COPB2: variants seen among roughly 807,000 people sequenced by gnomAD.
The protein encoded by COPB2 is coat protein complex I subunit beta 2.
A neutral mutation model predicts 120.8 loss-of-function variants in COPB2; 16 were observed. The observed-to-expected ratio is 0.13, with a 90% confidence interval of 0.09 to 0.20. The LOEUF is 0.20. Ranked by LOEUF, COPB2 falls within the 10% of genes least tolerant of loss-of-function variation. The probability of loss-of-function intolerance (pLI) is 1.00; values close to 1 mark genes in which losing one functional copy is unlikely to be tolerated. For missense variants in COPB2, 794 were observed against 1,076.5 expected (o/e 0.74, Z 3.67); for synonymous variants, 332 against 366.3 (o/e 0.91, Z 1.07).
intron 1 of COPB2, among the ~76,000 whole-genome samples, chr3:139,384,477 A>G (rs1303289713): frequency 6.6e-6 from 1 of 152,254 alleles, no homozygotes; most frequent in Non-Finnish European, 1.5e-5. Context: ...GTCAGGGACC[A>G]GCCAACCTCT....
rs778212511 is a variant in COPB2, at chr3:139,373,952, C to CT, written c.752-145dup. 33 of 841,986 alleles carry CT rather than the reference C, an allele frequency of 3.9e-5. 1 individual carries two copies. The highest frequency in any genetic ancestry group is 1.1e-4 in the South Asian group (6 of 53,766). The allele number at this position is 841,986 out of a possible 1,614,324, so 52.2% of individuals were successfully genotyped here. A position where few individuals can be genotyped will look rare whatever the true frequency, so the allele number is the denominator to read the frequency against. On this transcript the variant is annotated intron_variant, in intron 7 of 21. Transcript: ENST00000333188. ...AATGACCAATTTTTTGACCTACTGT[C>CT]TTTAAATGATTTTTAAAAGCAACAT...
chr3:139,383,258 A>T, intron 2 of COPB2, 40 bp downstream of exon 2: 1 of 1,599,196 alleles, frequency 6.3e-7, no homozygotes, highest in Non-Finnish European at 8.6e-7. Context: ...ACAGTCTCAC[A>T]TAGTATTTTA....
At chr3:139,384,093 G>A (rs371997428) in intron 1 of COPB2, among the ~76,000 whole-genome samples, 5 of 152,256 alleles carry the variant, frequency 3.3e-5, no homozygotes, top group African/African-American at 7.2e-5. Context: ...GAAATTCTTC[G>A]AAATTCGAGA....
chr3:139,360,770 A>G (rs558582246), intron 17 of COPB2, among the ~76,000 whole-genome samples: 29 of 152,172 alleles, frequency 1.9e-4, no homozygotes, highest in Non-Finnish European at 4.1e-4. Flanking sequence ...GAGCAGCTCA[A>G]TAGCCTCCTG....
At chr3:139,360,236 CT>C (rs1941387228) in intron 17 of COPB2, among the ~76,000 whole-genome samples, 1 of 149,828 alleles carries the variant, frequency 6.7e-6, no homozygotes, top group South Asian at 2.1e-4. Context: ...TTAAAGAATA[CT>C]TTCGGGCTGG....
chr3:139,387,146 G>C (rs978967911), intron 1 of COPB2, among the ~76,000 whole-genome samples: 5 of 152,082 alleles, frequency 3.3e-5, no homozygotes, highest in Middle Eastern at 6.8e-3. Flanking sequence ...GGGAGGTGGA[G>C]GTTGCAGTGA....
chr3:139,366,698 T>A lies in COPB2; in HGVS notation c.1754A>T (p.Tyr585Phe). The change falls in exon 15 of 22, where the codon TAT becomes TTT. Residue 585 changes from tyrosine (Y) to phenylalanine (F), a missense_variant. Around this residue, in one of 3 missense-constraint regions of COPB2, gnomAD observed 610 missense variants for 866.7 expected, o/e 0.70. Transcript: ENST00000333188. The stretch of plus-strand genomic sequence containing the variant: ...TTCCAGGACTGAAACCAGCAGGGAA[T>A]AGCTAATGATGTTCAATTCTTTATC... ...LGDKELNIIS[Y>F]SLLVSVLEYQ... 4 of 1,614,094 alleles carry A rather than the reference T, an allele frequency of 2.5e-6. No homozygotes were observed. The highest frequency in any genetic ancestry group is 3.4e-6 in the Non-Finnish European group (4 of 1,179,984).
Position 139,359,028 on chromosome 3 carries a change from C to A in COPB2, c.2454G>T (p.Leu818=), listed in dbSNP as rs753902690. The change falls in exon 19 of 22, where the codon CTG becomes CTT. Residue 818 remains leucine, a synonymous_variant. Coordinates refer to ENST00000333188, the MANE Select transcript of COPB2 (RefSeq NM_004766.3). ...EEWVKETHAD[L]WPAKQYPLVT... is the part of the protein sequence containing the mutation. ...CAAGTGGGTATTGTTTGGCTGGCCA[C>A]AGATCAGCATGTGTTTCCTTCACCC... 2 of 1,613,498 alleles carry A rather than the reference C, an allele frequency of 1.2e-6. No individual in the cohort carries two copies. Among genetic ancestry groups the A allele is most frequent in the Non-Finnish European group, 1.7e-6 (2 of 1,179,816 alleles).
intron 15 of COPB2, among the ~76,000 whole-genome samples, chr3:139,364,488 T>G (rs1312955737): frequency 1.3e-5 from 2 of 152,146 alleles, no homozygotes; most frequent in East Asian, 3.9e-4. Flanking sequence ...AAATATTAAA[T>G]ACTGAGACTC....
intron 6 of COPB2, 91 bp downstream of exon 6, chr3:139,375,377 A>T: frequency 7.7e-7 from 1 of 1,305,994 alleles, no homozygotes; most frequent in Non-Finnish European, 1.0e-6. Flanking sequence ...TATGCTGTGA[A>T]CAGTTTTCAA....
intron 1 of COPB2, among the ~76,000 whole-genome samples, chr3:139,386,171 A>G (rs751999869): frequency 1.3e-5 from 2 of 152,142 alleles, no homozygotes; most frequent in African/African-American, 4.8e-5. Context: ...CTTACTTTAA[A>G]AGATCAGAGT....
At chr3:139,388,810 T>G (rs1941988397) in intron 1 of COPB2, among the ~76,000 whole-genome samples, 1 of 135,572 alleles carries the variant, frequency 7.4e-6, no homozygotes, top group East Asian at 2.2e-4. Context: ...TTTTTTTTTT[T>G]GCATTTTCAA....
At chr3:139,371,478 G>A (rs1006569876) in intron 10 of COPB2, among the ~76,000 whole-genome samples, 18 of 152,128 alleles carry the variant, frequency 1.2e-4, no homozygotes, top group African/African-American at 4.1e-4. Flanking sequence ...ATGGGTGCTG[G>A]GTCCCCAGTT....
intron 14 of COPB2, 23 bp from the exon 15 acceptor site, chr3:139,366,798 G>A (rs1334647572): frequency 1.2e-6 from 2 of 1,605,476 alleles, no homozygotes. Context: ...CAGAAACCAA[G>A]TTAGAAATTC....
rs1422771197 is a variant in COPB2 at position 139,357,853 on chromosome 3, A to G, written c.*10T>C. 3.4e-6 allele frequency: 5 copies of G among 1,459,798 alleles called. No individual in the cohort carries two copies. The highest frequency in any genetic ancestry group is 4.8e-6 in the Non-Finnish European group (5 of 1,049,608). 90.4% of individuals were successfully genotyped at this position (1,459,798 alleles called of 1,614,324 possible). A position where few individuals can be genotyped will look rare whatever the true frequency, so the allele number is the denominator to read the frequency against. The stretch of plus-strand genomic sequence containing the variant: ...GATCTGTTTAGTCAGGTAAATGGAA[A>G]GCATTACAGTCAATCATCCAAAATA... On this transcript the variant is annotated 3_prime_UTR_variant, in exon 22 of 22. Transcript: ENST00000333188.
rs777185711 is a variant in COPB2, at chr3:139,357,977, G to C, written c.2626-19C>G. ...GTAAACTCTGCAGACAAAAGGAAGAGGGTAATTAAGTTTTACAGTACTGTT... is the reference window on the plus strand; with the variant it reads ...GTAAACTCTGCAGACAAAAGGAAGACGGTAATTAAGTTTTACAGTACTGTT... On this transcript the variant is annotated intron_variant, in intron 21 of 21. Coordinates refer to ENST00000333188, the MANE Select transcript of COPB2 (RefSeq NM_004766.3). 2 of 1,455,224 alleles carry C rather than the reference G, an allele frequency of 1.4e-6. No homozygotes were observed. Among genetic ancestry groups the C allele is most frequent in the Non-Finnish European group, 1.9e-6 (2 of 1,049,598 alleles). The allele number at this position is 1,455,224 out of a possible 1,614,324, so 90.1% of individuals were successfully genotyped here.
intron 1 of COPB2, among the ~76,000 whole-genome samples, chr3:139,385,911 T>A (rs1442229988): frequency 6.6e-6 from 1 of 152,216 alleles, no homozygotes; most frequent in Non-Finnish European, 1.5e-5. Context: ...ACCTAAAAGC[T>A]CATTTGGCAA....
Position 139,357,813 on chromosome 3 carries a change from C to A in COPB2, c.*50G>T. ...ACTGTGGTCAGGGTAGCAATCAATACCTATATATAATAATGATCTGTTTAG... is the reference window on the plus strand; with the variant it reads ...ACTGTGGTCAGGGTAGCAATCAATAACTATATATAATAATGATCTGTTTAG... On this transcript the variant is annotated 3_prime_UTR_variant, in exon 22 of 22. Coordinates refer to ENST00000333188, the MANE Select transcript of COPB2 (RefSeq NM_004766.3). 1 of 999,060 alleles carries A rather than the reference C, an allele frequency of 1.0e-6. No individual in the cohort carries two copies. The highest frequency in any genetic ancestry group is 2.4e-5 in the Admixed American group (1 of 42,372). The allele number at this position is 999,060 out of a possible 1,614,324, so 61.9% of individuals were successfully genotyped here. A position where few individuals can be genotyped will look rare whatever the true frequency, so the allele number is the denominator to read the frequency against.
intron 10 of COPB2, among the ~76,000 whole-genome samples, chr3:139,369,912 T>A (rs1441609980): frequency 3.3e-5 from 5 of 152,320 alleles, no homozygotes; most frequent in Non-Finnish European, 7.3e-5. Context: ...TATGGATGAA[T>A]CTCAAAAACA....
Sources: allele counts gnomAD v4.1 joint callset (sites outside exome capture counted in the v4.1 genomes callset), GRCh38; gene constraint gnomAD v4.1.1; regional missense constraint gnomAD v4.1.1; transcripts MANE v1.5; gene names NCBI Gene and HGNC (gene_info 2026-07-23, HGNC 2026-07-21).